Variants in PANX1 observed in about 807,000 individuals in gnomAD.
PANX1 encodes the protein pannexin-1.
Under a neutral mutation model 38.7 loss-of-function variants are expected in PANX1, and 30 were observed. The observed-to-expected ratio is 0.78, with a 90% CI of 0.58 to 1.05. PANX1 has a LOEUF of 1.05. PANX1 is among the 50% of genes least tolerant of loss of function. PANX1 has a pLI of 0.00. For synonymous variants in PANX1, 230 were observed against 212.2 expected (o/e 1.08, Z -0.73); for missense variants, 551 against 517.2 (o/e 1.07, Z -0.63).
In PANX1 at chr11:94,180,018, A is replaced by G. The variant is rs201625424; in HGVS notation, c.962A>G (p.Lys321Arg). Residue 321 changes from lysine (K) to arginine (R), a missense_variant, in exon 4 of 5, where the codon AAA becomes AGA. Physicochemically the swap from Lys to Arg is conservative, Grantham distance 26 (BLOSUM62 2). Coordinates refer to ENST00000227638, the MANE Select transcript of PANX1 (RefSeq NM_015368.4). ...CCCACTTTTGATGTTCTGCATTTCA[A>G]ATCTGAAGGGTACAACGATTTGAGC... ...ILPTFDVLHF[K>R]SEGYNDLSLY... 4.9e-5 allele frequency: 78 copies of G among 1,601,126 alleles called. No homozygotes were observed. The highest frequency in any genetic ancestry group is 6.2e-5 in the Non-Finnish European group (73 of 1,171,444).
intron 2 of PANX1, among the ~76,000 whole-genome samples, chr11:94,162,033 A>G (rs6483297): frequency 0.53 from 80,528 of 151,978 alleles, 22,169 homozygotes; most frequent in African/African-American, 0.67. Context: ...GCAGAACAGC[A>G]GATACTGGTG....
rs571916871 is a variant in PANX1, at chr11:94,136,610, T to C, written c.181+7117T>C. Reference sequence around the variant, plus strand: ...GGTGAAACCCTGTCTCTACTAAAAATACAAAAAATTAGCCAGGTGTGGTGG... The same window carrying C: ...GGTGAAACCCTGTCTCTACTAAAAACACAAAAAATTAGCCAGGTGTGGTGG... On this transcript the variant is annotated intron_variant, in intron 1 of 4. Coordinates refer to ENST00000227638, the MANE Select transcript of PANX1 (RefSeq NM_015368.4). 2.0e-5 allele frequency among the ~76,000 whole-genome samples: 3 copies of C among 151,752 alleles called. No individual in the cohort carries two copies. The East Asian group carries it at 5.9e-4, about 30-fold the overall frequency.
intron 2 of PANX1, among the ~76,000 whole-genome samples, chr11:94,154,391 A>G (rs1276649704): frequency 6.6e-6 from 1 of 152,214 alleles, no homozygotes; most frequent in Non-Finnish European, 1.5e-5. Context: ...TGACTGCATT[A>G]GGTCTTCTCT....
Position 94,142,750 on chromosome 11 carries a change from A to G in PANX1, c.182-10741A>G, listed in dbSNP as rs554345783. Among the ~76,000 whole-genome samples, 3 of 152,234 alleles carry G rather than the reference A, an allele frequency of 2.0e-5. No homozygotes were observed. In the South Asian group the frequency reaches 6.2e-4, roughly 32 times the overall value. ...GCATTGCATATGGTACCATGTACAT[A>G]ATAGCCCAGTGAATGCTTTTTGGGT... On this transcript the variant is annotated intron_variant, in intron 1 of 4. Transcript: ENST00000227638.
At chr11:94,139,031 T>C (rs1315014835) in intron 1 of PANX1, among the ~76,000 whole-genome samples, 2 of 152,200 alleles carry the variant, frequency 1.3e-5, no homozygotes, top group South Asian at 2.1e-4. Flanking sequence ...ATCCCCCCAT[T>C]GTCATTTATT....
chr11:94,148,719 A>AT (rs1341212122), intron 1 of PANX1, among the ~76,000 whole-genome samples: 5 of 152,154 alleles, frequency 3.3e-5, no homozygotes, highest in Non-Finnish European at 7.3e-5. Context: ...AATTAAACCA[A>AT]TTTTTTGTTG....
chr11:94,145,200 A>G (rs1393885916), intron 1 of PANX1, among the ~76,000 whole-genome samples: 1 of 152,132 alleles, frequency 6.6e-6, no homozygotes, highest in African/African-American at 2.4e-5. Context: ...TTGTTTGACC[A>G]TGTGTTCCAT....
chr11:94,129,448 C>T lies in PANX1; in HGVS notation c.136C>T (p.Pro46Ser), dbSNP rs1343348739. 1 of 1,613,612 alleles carries T rather than the reference C, an allele frequency of 6.2e-7. No homozygotes were observed. The highest frequency in any genetic ancestry group is 1.1e-5 in the South Asian group (1 of 91,010). Residue 46 changes from proline (P) to serine (S), a missense_variant, in exon 1 of 5, where the codon CCC (proline) becomes TCC (serine). Transcript: ENST00000227638. ...GGTCACGTGCATTGCGGTGGGGCTG[C>T]CCCTGCTGCTCATCTCGCTGGCCTT... ...KMVTCIAVGL[P>S]LLLISLAFAQ...
At chr11:94,170,224 C>T (rs1238287325) in intron 2 of PANX1, among the ~76,000 whole-genome samples, 1 of 151,568 alleles carries the variant, frequency 6.6e-6, no homozygotes, top group Non-Finnish European at 1.5e-5. Flanking sequence ...ATTTCCCCAT[C>T]CCCCCAGCCC....
Position 94,158,118 on chromosome 11 carries a change from G to A in PANX1, c.321+4488G>A, listed in dbSNP as rs911424039. Among the ~76,000 whole-genome samples, 7 of 152,184 alleles carry A rather than the reference G, an allele frequency of 4.6e-5. 1 individual carries two copies. The highest frequency in any genetic ancestry group is 4.6e-4 in the Admixed American group (7 of 15,290). On this transcript the variant is annotated intron_variant, in intron 2 of 4. Transcript: ENST00000227638. ...ATTGATCTATATCTCTGTTTTGGTA[G>A]CAGTACCATGCTGTTTTGGTTACTG...
At position 94,134,169 on chromosome 11, in the gene PANX1, A is replaced by G. The variant is rs536508904; in HGVS notation, c.181+4676A>G. On this transcript the variant is annotated intron_variant, in intron 1 of 4. Coordinates refer to ENST00000227638, the MANE Select transcript of PANX1 (RefSeq NM_015368.4). ...GAAGAATCTGTGTTCAGAGTGCAGA[A>G]TGGTGTACTGTGGAAGAAGGATGAG... Among the ~76,000 whole-genome samples, 9 of 152,320 alleles carry G rather than the reference A, an allele frequency of 5.9e-5. No homozygotes were observed. The South Asian group carries it at 1.2e-3, about 21-fold the overall frequency.
chr11:94,141,879 G>A (rs573135131), intron 1 of PANX1, among the ~76,000 whole-genome samples: 1 of 152,082 alleles, frequency 6.6e-6, no homozygotes, highest in Non-Finnish European at 1.5e-5. Context: ...ATAAATTAGC[G>A]CTCGAAGCAC....
chr11:94,157,391 C>G (rs902072503), intron 2 of PANX1, among the ~76,000 whole-genome samples: 1 of 152,034 alleles, frequency 6.6e-6, no homozygotes, highest in Non-Finnish European at 1.5e-5. Flanking sequence ...CCTCCTCTCC[C>G]GCACCTGTTG....
At chr11:94,156,617 C>G (rs535608187) in intron 2 of PANX1, among the ~76,000 whole-genome samples, 1 of 152,166 alleles carries the variant, frequency 6.6e-6, no homozygotes, top group Non-Finnish European at 1.5e-5. Flanking sequence ...TTACGAGTGT[C>G]TGGTCTACTT....
chr11:94,137,458 C>A (rs953028340), intron 1 of PANX1, among the ~76,000 whole-genome samples: 1 of 152,130 alleles, frequency 6.6e-6, no homozygotes, highest in Non-Finnish European at 1.5e-5. Flanking sequence ...AAACCCCTAA[C>A]TGAGGCAGCG....
chr11:94,164,641 A>G (rs1388511874), intron 2 of PANX1, among the ~76,000 whole-genome samples: 1 of 152,246 alleles, frequency 6.6e-6, no homozygotes, highest in Admixed American at 6.5e-5. Context: ...TTTGCTAAAG[A>G]GCAGAATGTT....
At chr11:94,145,505 T>A (rs1591509596) in intron 1 of PANX1, among the ~76,000 whole-genome samples, 1 of 152,346 alleles carries the variant, frequency 6.6e-6, no homozygotes. Context: ...CCATCTAGCT[T>A]TTTGCATTCA....
At chr11:94,149,896 A>G (rs1239453671) in intron 1 of PANX1, among the ~76,000 whole-genome samples, 8 of 152,208 alleles carry the variant, frequency 5.3e-5, no homozygotes, top group African/African-American at 1.9e-4. Flanking sequence ...TTGGTACACA[A>G]TCGTGCATGA....
At chr11:94,131,320 G>A (rs1001907963) in intron 1 of PANX1, among the ~76,000 whole-genome samples, 4 of 152,228 alleles carry the variant, frequency 2.6e-5, no homozygotes, top group African/African-American at 4.8e-5. Context: ...TTGGTGGGCT[G>A]TCTGAGAGGT....
Sources: allele counts gnomAD v4.1 joint callset (sites outside exome capture counted in the v4.1 genomes callset), GRCh38; gene constraint gnomAD v4.1.1; transcripts MANE v1.5; gene names NCBI Gene and HGNC (gene_info 2026-07-23, HGNC 2026-07-21).